Variants in PCDH15 observed in about 807,000 individuals in gnomAD.
PCDH15 encodes the protein protocadherin related 15.
PCDH15 carries 129 observed loss-of-function variants against 178.5 expected under a neutral mutation model. The ratio of observed to expected loss-of-function variants is 0.72; its 90% CI spans 0.63 to 0.84. The LOEUF (loss-of-function observed/expected upper bound fraction) is 0.84. Ranked by LOEUF, PCDH15 falls within the 40% of genes least tolerant of loss-of-function variation. The pLI, the probability that PCDH15 is intolerant of heterozygous loss-of-function variation, is 0.00. For missense variants in PCDH15, 2,230 were observed against 2,099.9 expected (o/e 1.06, Z -1.21); for synonymous variants, 800 against 732.0 (o/e 1.09, Z -1.50).
At chr10:54,243,504 G>A (rs1026275734) in intron 8 of PCDH15, among the ~76,000 whole-genome samples, 5 of 151,274 alleles carry the variant, frequency 3.3e-5, no homozygotes, top group African/African-American at 7.3e-5. Flanking sequence ...AAGACTCAGC[G>A]TCAAAAAAAA....
chr10:55,337,955 A>G (rs1844441131), intron 2 of PCDH15, among the ~76,000 whole-genome samples: 1 of 152,188 alleles, frequency 6.6e-6, no homozygotes, highest in South Asian at 2.1e-4. Flanking sequence ...AGCTCAAGCA[A>G]TTCAATAGGA....
chr10:54,076,289 G>A (rs2094340888), intron 17 of PCDH15, among the ~76,000 whole-genome samples: 1 of 152,040 alleles, frequency 6.6e-6, no homozygotes. Flanking sequence ...ATGATTTTGT[G>A]TGCTGATTTT....
chr10:54,659,466 A>G (rs1406774443), intron 2 of PCDH15, among the ~76,000 whole-genome samples: 1 of 152,130 alleles, frequency 6.6e-6, no homozygotes, highest in Non-Finnish European at 1.5e-5. Flanking sequence ...TTAGAAATAT[A>G]TATCAGCCGG....
At chr10:53,847,589 A>G (rs2078058534) in intron 28 of PCDH15, among the ~76,000 whole-genome samples, 1 of 152,110 alleles carries the variant, frequency 6.6e-6, no homozygotes, top group Admixed American at 6.6e-5. Flanking sequence ...ATCTGGAATT[A>G]GACTTTGAAA....
intron 8 of PCDH15, among the ~76,000 whole-genome samples, chr10:54,277,794 G>A (rs1381921504): frequency 2.6e-5 from 4 of 151,648 alleles, no homozygotes; most frequent in East Asian, 1.9e-4. Context: ...ACTAGGTGGG[G>A]AAATTTGGAA....
intron 3 of PCDH15, among the ~76,000 whole-genome samples, chr10:54,496,974 T>G (rs187443537): frequency 3.4e-3 from 525 of 152,184 alleles, no homozygotes; most frequent in Admixed American, 5.6e-3. Flanking sequence ...CACGCCTCAC[T>G]GCAGTGCACT....
At chr10:54,500,105 T>C (rs1205182749) in intron 3 of PCDH15, among the ~76,000 whole-genome samples, 1 of 152,126 alleles carries the variant, frequency 6.6e-6, no homozygotes, top group Non-Finnish European at 1.5e-5. Flanking sequence ...CATGGAATAC[T>C]ATGCAGCCAT....
intron 15 of PCDH15, among the ~76,000 whole-genome samples, chr10:54,118,273 C>T (rs189215210): frequency 6.6e-6 from 1 of 152,192 alleles, no homozygotes; most frequent in African/African-American, 2.4e-5. Context: ...ACAAAGTACA[C>T]AAAAATAGGC....
intron 3 of PCDH15, among the ~76,000 whole-genome samples, chr10:54,855,532 T>C (rs1953725555): frequency 6.6e-6 from 1 of 152,246 alleles, no homozygotes; most frequent in Non-Finnish European, 1.5e-5. Context: ...TTCTGAAGCA[T>C]GATAGGCTCA....
chr10:53,818,107 G>T (rs1246478889), intron 33 of PCDH15, 94 bp from the exon 34 acceptor site: 1 of 394,950 alleles, frequency 2.5e-6, no homozygotes, highest in African/African-American at 2.1e-5. Context: ...AAAAATGTCT[G>T]AGTAAAACTG....
At chr10:54,194,872 A>G (rs1162112334) in intron 11 of PCDH15, among the ~76,000 whole-genome samples, 1 of 152,138 alleles carries the variant, frequency 6.6e-6, no homozygotes, top group East Asian at 1.9e-4. Context: ...ACAGGCACTC[A>G]ATGGGACTCT....
intron 2 of PCDH15, among the ~76,000 whole-genome samples, chr10:55,550,810 T>G (rs1841988957): frequency 6.6e-6 from 1 of 152,124 alleles, no homozygotes; most frequent in Admixed American, 6.6e-5. Context: ...CCTTGTAATC[T>G]TACCTTCTTC....
At chr10:55,448,964 T>C (rs192896757) in intron 2 of PCDH15, among the ~76,000 whole-genome samples, 1 of 152,170 alleles carries the variant, frequency 6.6e-6, no homozygotes, top group Admixed American at 6.6e-5. Context: ...TCTATCATCT[T>C]AAGTAGACAA....
intron 35 of PCDH15, 65 bp from the exon 36 acceptor site, chr10:53,811,684 G>A: frequency 2.1e-6 from 2 of 955,496 alleles, no homozygotes; most frequent in South Asian, 1.9e-5. Context: ...GTCAAAGTCA[G>A]ATTTCTACAC....
chr10:55,022,323 A>C (rs1303509453), intron 2 of PCDH15, among the ~76,000 whole-genome samples: 2 of 151,482 alleles, frequency 1.3e-5, no homozygotes, highest in Non-Finnish European at 2.9e-5. Context: ...ATGGTGGCAC[A>C]CTCCTGAAAT....
At chr10:54,363,499 C>T (rs927394920) in intron 5 of PCDH15, among the ~76,000 whole-genome samples, 1 of 152,060 alleles carries the variant, frequency 6.6e-6, no homozygotes, top group African/African-American at 2.4e-5. Flanking sequence ...AAATGGTAAT[C>T]CAGCACCAGC....
chr10:54,640,260 G>A (rs930931073), intron 2 of PCDH15, among the ~76,000 whole-genome samples: 2 of 151,172 alleles, frequency 1.3e-5, no homozygotes, highest in Admixed American at 6.6e-5. Flanking sequence ...CAGAAAAAAT[G>A]TAAAAATTGG....
At chr10:54,902,045 G>T (rs1341719987) in intron 2 of PCDH15, among the ~76,000 whole-genome samples, 1 of 151,862 alleles carries the variant, frequency 6.6e-6, no homozygotes, top group Admixed American at 6.6e-5. Context: ...TCTTCCAAAA[G>T]CTCATGAAAT....
In PCDH15 at chr10:54,369,143, T is replaced by A. The variant is rs373042793; in HGVS notation, c.451A>T (p.Ser151Cys). Residue 151 changes from serine (S) to cysteine (C), a missense_variant, in exon 5 of 38, where the codon AGC becomes TGC. Transcript: ENST00000644397. ...NDNSPTFKHE[S>C]YYATVNELTP... is the part of the protein sequence containing the mutation. ...ACCTCATTCACTGTGGCATAGTAGCTTTCATGCTTGAAAGTGGGTGAGTTG... is the reference window on the plus strand; with the variant it reads ...ACCTCATTCACTGTGGCATAGTAGCATTCATGCTTGAAAGTGGGTGAGTTG... 5.0e-6 allele frequency: 8 copies of A among 1,612,900 alleles called. No individual in the cohort carries two copies. Among genetic ancestry groups the A allele is most frequent in the African/African-American group, 1.3e-5 (1 of 74,854 alleles).
Sources: gnomAD v4.1 joint callset for allele counts (sites outside exome capture counted in the v4.1 genomes callset) on GRCh38, gnomAD v4.1.1 for gene constraint, MANE v1.5 for transcripts, NCBI Gene and HGNC (gene_info 2026-07-23, HGNC 2026-07-21) for gene names.